Variants in APOBEC3F observed in about 807,000 individuals in gnomAD.
APOBEC3F encodes DNA dC->dU-editing enzyme APOBEC-3F.
APOBEC3F carries 34 observed loss-of-function variants against 45.8 expected under a neutral mutation model. The ratio of observed to expected loss-of-function variants is 0.74; its 90% CI spans 0.57 to 0.99. The LOEUF (loss-of-function observed/expected upper bound fraction) is 0.99. Among genes scored for constraint, APOBEC3F ranks in the 50% least tolerant of loss-of-function variants. The pLI is 0.00. For missense variants in APOBEC3F, 459 were observed against 474.1 expected, an observed-to-expected ratio of 0.97 and a Z score of 0.30; for synonymous variants, 192 against 174.4, an observed-to-expected ratio of 1.10 and a Z score of -0.80.
chr22:39,042,363 G>A (rs1326034198), intron 1 of APOBEC3F, among the ~76,000 whole-genome samples: 4 of 148,562 alleles, frequency 2.7e-5, no homozygotes, highest in Non-Finnish European at 5.9e-5. Context: ...CCAGGCTGGA[G>A]TGCAGTGGCA....
chr22:39,052,657 C>G lies in APOBEC3F; in HGVS notation c.1084C>G (p.Leu362Val). 1.9e-6 allele frequency: 3 copies of G among 1,614,140 alleles called. No individual in the cohort carries two copies. In the South Asian group the frequency reaches 3.3e-5, roughly 18 times the overall value. The change falls in exon 7 of 7, where the codon CTA (leucine) becomes GTA (valine). Residue 362 changes from leucine to valine, a missense_variant. Physicochemically the swap from Leu to Val is conservative, Grantham distance 32. Transcript: ENST00000308521. ...TTGGAAAGGACTAAAATACAACTTT[C>G]TATTCCTGGACAGCAAGCTGCAGGA... ...KPWKGLKYNFLFLDSKLQEIL... is the reference protein window; with the variant it reads ...KPWKGLKYNFVFLDSKLQEIL...
In APOBEC3F at chr22:39,044,059, A is replaced by G. The variant is rs1201788302; in HGVS notation, c.172-882A>G. On this transcript the variant is annotated intron_variant, in intron 2 of 6. Transcript: ENST00000308521. ...AACAAAAAACAAAAAAAGATAAATG[A>G]GCGGTGTATGGTGTATTTTTCAGGT... 3 of 1,502,540 alleles carry G rather than the reference A, an allele frequency of 2.0e-6. No homozygotes were observed. The Admixed American group carries it at 7.3e-5, about 37-fold the overall frequency. The allele number at this position is 1,502,540 out of a possible 1,614,324, so 93.1% of individuals were successfully genotyped here. A position where few individuals can be genotyped will look rare whatever the true frequency, so the allele number is the denominator to read the frequency against.
intron 5 of APOBEC3F, 68 bp downstream of exon 5, chr22:39,049,649 A>C: frequency 1.9e-6 from 3 of 1,564,410 alleles, no homozygotes; most frequent in African/African-American, 1.4e-5. Flanking sequence ...AAACACAATA[A>C]GTGACGTGCC....
chr22:39,051,463 G>A (rs367812550), intron 5 of APOBEC3F, among the ~76,000 whole-genome samples: 36 of 151,472 alleles, frequency 2.4e-4, no homozygotes, highest in African/African-American at 8.0e-4. Flanking sequence ...CGTGAACCCC[G>A]GAGGCGGAGC....
chr22:39,047,717 C>A lies in APOBEC3F; in HGVS notation c.567-1708C>A, dbSNP rs147505779. On this transcript the variant is annotated intron_variant, in intron 4 of 6. Transcript: ENST00000308521. ...GCTTCTGAATGGGCCATCTCCCCCA[C>A]CTGCCCCAGCCCAGGCCCCCTGCTG... Among the ~76,000 whole-genome samples, 24 of 152,212 alleles carry A rather than the reference C, an allele frequency of 1.6e-4. No homozygotes were observed. In the East Asian group the frequency reaches 4.6e-3, roughly 29 times the overall value.
intron 4 of APOBEC3F, among the ~76,000 whole-genome samples, chr22:39,046,156 C>T (rs1927208084): frequency 6.6e-6 from 1 of 152,246 alleles, no homozygotes; most frequent in Admixed American, 6.5e-5. Flanking sequence ...CCTCTGTGCA[C>T]CTGCACCCCT....
rs772959187 is a variant in APOBEC3F, at chr22:39,052,577, A to G, written c.1004A>G (p.Asp335Gly). Reference sequence around the variant, plus strand: ...CTGCTTTCTCCTTGTTTTTTCTCAGATTTTAAATATTGTTGGGAAAACTTT... The same window carrying G: ...CTGCTTTCTCCTTGTTTTTTCTCAGGTTTTAAATATTGTTGGGAAAACTTT... Reference protein sequence around the residue: ...GASVEIMGYKDFKYCWENFVY... With the variant: ...GASVEIMGYKGFKYCWENFVY... Residue 335 changes from aspartate to glycine, a missense_variant and splice_region_variant, in exon 7 of 7, where the codon GAT (aspartate) becomes GGT (glycine). Coordinates refer to ENST00000308521, the MANE Select transcript of APOBEC3F (RefSeq NM_145298.6). The G allele has an allele frequency of 2.5e-6, 4 of 1,611,688 alleles. No homozygotes were observed. The Admixed American group carries it at 6.7e-5, about 27-fold the overall frequency.
intron 1 of APOBEC3F, among the ~76,000 whole-genome samples, chr22:39,041,436 T>C (rs1329235730): frequency 1.3e-5 from 2 of 151,160 alleles, no homozygotes; most frequent in Admixed American, 6.5e-5. Context: ...GGGGAGGGAA[T>C]GGTCTCTGAA....
intron 4 of APOBEC3F, among the ~76,000 whole-genome samples, chr22:39,047,457 C>A (rs1180948429): frequency 1.3e-5 from 2 of 152,072 alleles, no homozygotes; most frequent in Admixed American, 6.5e-5. Flanking sequence ...CCAGGACTAC[C>A]ATCAGGGCCA....
rs1461416770 is a variant in APOBEC3F at position 39,054,297 on chromosome 22, T to A, written c.*1602T>A. On this transcript the variant is annotated 3_prime_UTR_variant, in exon 7 of 7. Coordinates refer to ENST00000308521, the MANE Select transcript of APOBEC3F (RefSeq NM_145298.6). ...CCCAGGCTGGGGTGCAGTGGTGCAATCTGGGTTCACTGCAGCCTCTGCCGC... is the reference window on the plus strand; with the variant it reads ...CCCAGGCTGGGGTGCAGTGGTGCAAACTGGGTTCACTGCAGCCTCTGCCGC... 1.3e-5 allele frequency among the ~76,000 whole-genome samples: 2 copies of A among 152,154 alleles called. No homozygotes were observed. Among genetic ancestry groups the A allele is most frequent in the East Asian group, 3.8e-4 (2 of 5,200 alleles).
At chr22:39,042,762 C>T (rs1926979846) in intron 1 of APOBEC3F, among the ~76,000 whole-genome samples, 175 bp from the exon 2 acceptor site, 1 of 152,138 alleles carries the variant, frequency 6.6e-6, no homozygotes, top group Non-Finnish European at 1.5e-5. Flanking sequence ...GCCAGCATCC[C>T]CTTTTCTTGC....
At chr22:39,045,381 C>T in intron 3 of APOBEC3F, 47 bp from the exon 4 acceptor site, 1 of 1,613,572 alleles carries the variant, frequency 6.2e-7, no homozygotes, top group Non-Finnish European at 8.5e-7. Flanking sequence ...GGAGCGCGGG[C>T]CCAGGGTCAG....
At chr22:39,047,011 A>C (rs5757445) in intron 4 of APOBEC3F, among the ~76,000 whole-genome samples, 68,180 of 151,812 alleles carry the variant, frequency 0.45, 16,768 homozygotes, top group East Asian at 0.69. Flanking sequence ...AGCAAACTGC[A>C]AGACAGGGTG....
chr22:39,052,337 G>A lies in APOBEC3F; in HGVS notation c.987G>A (p.Glu329=). Residue 329 remains glutamate, a synonymous_variant, in exon 6 of 7, where the codon GAG becomes GAA. Coordinates refer to ENST00000308521, the MANE Select transcript of APOBEC3F (RefSeq NM_145298.6). ...TGAGTCAGGAAGGGGCCTCCGTGGA[G>A]ATCATGGGCTACAAAGGTGAGACGT... is the stretch of plus-strand genomic sequence containing the variant. ...RSLSQEGASV[E]IMGYKDFKYC... 6.2e-7 allele frequency: 1 copy of A among 1,614,232 alleles called. No individual in the cohort carries two copies. The highest frequency in any genetic ancestry group is 8.5e-7 in the Non-Finnish European group (1 of 1,180,046).
Position 39,052,243 on chromosome 22 carries a change from A to G in APOBEC3F, c.893A>G (p.Asn298Ser). ...AEFLARHSNV[N>S]LTIFTARLYY... ...TTCCTGGCCAGGCACAGCAACGTGA[A>G]TCTCACCATCTTCACCGCCCGCCTC... Residue 298 changes from asparagine to serine, a missense_variant, in exon 6 of 7, where the codon AAT (asparagine) becomes AGT (serine). Transcript: ENST00000308521. 6.2e-7 allele frequency: 1 copy of G among 1,614,076 alleles called. No individual in the cohort carries two copies. Among genetic ancestry groups the G allele is most frequent in the Non-Finnish European group, 8.5e-7 (1 of 1,180,032 alleles).
chr22:39,045,213 C>A lies in APOBEC3F; in HGVS notation c.444C>A (p.Asp148Glu), dbSNP rs201454313. The A allele has an allele frequency of 1.4e-4, 218 of 1,613,928 alleles. 1 individual carries two copies. In the Middle Eastern group the frequency reaches 2.8e-3, roughly 21 times the overall value. Reference protein sequence around the residue: ...SQAGARVKIMDDEEFAYCWEN... With the variant: ...SQAGARVKIMEDEEFAYCWEN... ...CAGGGGCCCGCGTGAAGATTATGGA[C>A]GATGAAGGTGAGAGGTGGAGGGGTC... The change falls in exon 3 of 7, where the codon GAC (aspartate) becomes GAA (glutamate). Residue 148 changes from aspartate to glutamate, a missense_variant. Coordinates refer to ENST00000308521, the MANE Select transcript of APOBEC3F (RefSeq NM_145298.6).
intron 5 of APOBEC3F, 97 bp from the exon 6 acceptor site, chr22:39,051,976 TG>T: frequency 6.6e-7 from 1 of 1,524,068 alleles, no homozygotes; most frequent in South Asian, 1.2e-5. Flanking sequence ...GGAAACGCCC[TG>T]GGGCTCCAGG....
intron 1 of APOBEC3F, among the ~76,000 whole-genome samples, chr22:39,042,507 T>G (rs2413564): frequency 0.54 from 81,485 of 151,870 alleles, 22,313 homozygotes; most frequent in East Asian, 0.69. Flanking sequence ...AGACTGGGTT[T>G]CACCATGTTG....
chr22:39,054,856 A>T lies in APOBEC3F; in HGVS notation c.*2161A>T, dbSNP rs1927640775. ...CTTCATGCTGTGGCCTCCACAGAAG[A>T]TGCCCTGGGCCAGGTGCCCACATGA... On this transcript the variant is annotated 3_prime_UTR_variant, in exon 7 of 7. Coordinates refer to ENST00000308521, the MANE Select transcript of APOBEC3F (RefSeq NM_145298.6). Among the ~76,000 whole-genome samples, 1 of 152,160 alleles carries T rather than the reference A, an allele frequency of 6.6e-6. No individual in the cohort carries two copies. The highest frequency in any genetic ancestry group is 1.5e-5 in the Non-Finnish European group (1 of 68,020).
Sources: allele counts gnomAD v4.1 joint callset (sites outside exome capture counted in the v4.1 genomes callset), GRCh38; gene constraint gnomAD v4.1.1; transcripts MANE v1.5; gene names NCBI Gene and HGNC (gene_info 2026-07-23, HGNC 2026-07-21).